LARP6: variants seen among roughly 807,000 people sequenced by gnomAD.
The protein encoded by LARP6 is La ribonucleoprotein 6, translational regulator.
LARP6 carries 18 observed loss-of-function variants against 32.8 expected under a neutral mutation model. That is an observed-to-expected ratio of 0.55 (90% CI 0.38 to 0.81). LARP6 has a LOEUF of 0.81. Among genes scored for constraint, LARP6 ranks in the 40% least tolerant of loss-of-function variants. The pLI, the probability that LARP6 is intolerant of heterozygous loss-of-function variation, is 0.00. For synonymous variants in LARP6, 289 were observed against 267.2 expected (o/e 1.08, Z -0.80); for missense variants, 598 against 663.1 (o/e 0.90, Z 1.08).
intron 2 of LARP6, 113 bp downstream of exon 2, chr15:70,836,182 A>T: frequency 1.2e-6 from 1 of 833,682 alleles, no homozygotes; most frequent in Non-Finnish European, 1.9e-6. Flanking sequence ...GCACAGACTT[A>T]ATTTTAAAAA....
intron 1 of LARP6, among the ~76,000 whole-genome samples, chr15:70,844,599 C>T (rs7180700): frequency 0.51 from 78,091 of 152,026 alleles, 21,242 homozygotes; most frequent in Admixed American, 0.71. Context: ...TTTCTTGTCT[C>T]AAAGTCCTAT....
chr15:70,832,540 T>C lies in LARP6; in HGVS notation c.988A>G (p.Met330Val), dbSNP rs375907844. ...CTGTTGGCAGAAGACTCATCACCCA[T>C]GTACTGAAGCTCCTCGACTCTCTTG... ...LNKRVEELQY[M>V]GDESSANSSS... The change falls in exon 3 of 3, where the codon ATG (methionine) becomes GTG (valine). Residue 330 changes from methionine (M) to valine (V), a missense_variant. By Grantham distance (21) the Met-to-Val change is conservative (BLOSUM62 1). Transcript: ENST00000299213. 5 of 1,559,776 alleles carry C rather than the reference T, an allele frequency of 3.2e-6. No homozygotes were observed. The highest frequency in any genetic ancestry group is 3.5e-6 in the Non-Finnish European group (4 of 1,158,018).
chr15:70,838,166 A>C (rs1314308987), intron 1 of LARP6, among the ~76,000 whole-genome samples: 1 of 152,178 alleles, frequency 6.6e-6, no homozygotes, highest in Non-Finnish European at 1.5e-5. Flanking sequence ...AGAGCATTTC[A>C]GATTTTGAAT....
At chr15:70,840,953 G>A (rs575073050) in intron 1 of LARP6, among the ~76,000 whole-genome samples, 50 of 139,496 alleles carry the variant, frequency 3.6e-4, no homozygotes, top group Non-Finnish European at 6.1e-4. Flanking sequence ...TCGCTCTTTC[G>A]CCCAGGCTGG....
intron 1 of LARP6, among the ~76,000 whole-genome samples, chr15:70,846,653 A>ATACATACATAC (rs1567023098): frequency 7.1e-5 from 6 of 84,846 alleles, no homozygotes; most frequent in Admixed American, 1.6e-4. Flanking sequence ...TACATACATA[A>ATACATACATAC]TAAAAAAAAA....
chr15:70,848,360 A>G (rs1567023424), intron 1 of LARP6, among the ~76,000 whole-genome samples: 1 of 152,218 alleles, frequency 6.6e-6, no homozygotes, highest in Non-Finnish European at 1.5e-5. Context: ...ATGGGTCTAA[A>G]TAATGATTCG....
chr15:70,847,155 G>A (rs890547402), intron 1 of LARP6, among the ~76,000 whole-genome samples: 1 of 152,156 alleles, frequency 6.6e-6, no homozygotes, highest in Non-Finnish European at 1.5e-5. Flanking sequence ...CTTTGAGGGA[G>A]GAAGTATGGT....
intron 2 of LARP6, among the ~76,000 whole-genome samples, chr15:70,835,600 T>C (rs2032132313): frequency 6.6e-6 from 1 of 152,214 alleles, no homozygotes; most frequent in African/African-American, 2.4e-5. Flanking sequence ...CGCATCCCGT[T>C]ATGCAACAGG....
intron 2 of LARP6, among the ~76,000 whole-genome samples, chr15:70,835,110 T>C (rs1274619189): frequency 6.6e-6 from 1 of 152,176 alleles, no homozygotes; most frequent in Non-Finnish European, 1.5e-5. Context: ...ACAAACACTT[T>C]TCATATGAAG....
intron 1 of LARP6, among the ~76,000 whole-genome samples, chr15:70,850,179 C>A (rs935997856): frequency 6.6e-6 from 1 of 152,130 alleles, no homozygotes; most frequent in African/African-American, 2.4e-5. Context: ...AAAATCTGAA[C>A]AGACCAATAA....
chr15:70,836,871 G>A (rs945231882), intron 1 of LARP6, among the ~76,000 whole-genome samples: 2 of 152,124 alleles, frequency 1.3e-5, no homozygotes, highest in Non-Finnish European at 2.9e-5. Context: ...TTCAGAGGGC[G>A]CATGGCCCTA....
At position 70,832,814 on chromosome 15, in the gene LARP6, C is replaced by T. The variant is rs778898505; in HGVS notation, c.714G>A (p.Glu238=). The change falls in exon 3 of 3, where the codon GAG becomes GAA. Residue 238 remains glutamate (E), a synonymous_variant. Coordinates refer to ENST00000299213, the MANE Select transcript of LARP6 (RefSeq NM_018357.4). The part of the protein sequence containing the change: ...SSVRILKPGR[E]LPPDIRRISS... ...TGATCCTCCGGATGTCAGGGGGCAG[C>T]TCTCTCCCAGGTTTGAGGATCCGCA... 58 of 1,612,824 alleles carry T rather than the reference C, an allele frequency of 3.6e-5. 4 individuals carry two copies. The South Asian group carries it at 5.5e-4, about 15-fold the overall frequency.
At chr15:70,835,835 C>G (rs1412324106) in intron 2 of LARP6, among the ~76,000 whole-genome samples, 1 of 152,230 alleles carries the variant, frequency 6.6e-6, no homozygotes, top group African/African-American at 2.4e-5. Context: ...ACAGGCAGAG[C>G]ATGTGTGTCT....
intron 1 of LARP6, among the ~76,000 whole-genome samples, chr15:70,837,701 T>A (rs138518907): frequency 5.3e-5 from 8 of 152,322 alleles, no homozygotes; most frequent in Non-Finnish European, 1.0e-4. Flanking sequence ...TCCATGTGGA[T>A]ACATGATCAC....
At chr15:70,835,152 TC>T (rs2032124490) in intron 2 of LARP6, among the ~76,000 whole-genome samples, 1 of 152,228 alleles carries the variant, frequency 6.6e-6, no homozygotes. Context: ...CATTAAAATA[TC>T]CCTTCCATTC....
chr15:70,852,336 G>A (rs996742631), intron 1 of LARP6: 2 of 454,402 alleles, frequency 4.4e-6, no homozygotes, highest in Non-Finnish European at 8.8e-6. Flanking sequence ...GGCAGTTCTG[G>A]AGGAAGAGCA....
intron 1 of LARP6, 92 bp downstream of exon 1, chr15:70,853,797 C>G (rs1162409094): frequency 1.0e-6 from 1 of 971,602 alleles, no homozygotes; most frequent in African/African-American, 1.7e-5. Context: ...CCCCTCTGCC[C>G]GAGGAGTTGT....
chr15:70,844,462 G>A (rs1432576146), intron 1 of LARP6, among the ~76,000 whole-genome samples: 5 of 151,542 alleles, frequency 3.3e-5, no homozygotes, highest in East Asian at 1.9e-4. Flanking sequence ...CATTCCATTC[G>A]GTAACTAATA....
At chr15:70,853,761 T>C in intron 1 of LARP6, 128 bp downstream of exon 1, 1 of 664,150 alleles carries the variant, frequency 1.5e-6, no homozygotes, top group Non-Finnish European at 2.1e-6. Flanking sequence ...CCGGAGCTGC[T>C]TCCCCGGCGG....
Sources: allele counts gnomAD v4.1 joint callset (sites outside exome capture counted in the v4.1 genomes callset), GRCh38; gene constraint gnomAD v4.1.1; transcripts MANE v1.5; gene names NCBI Gene and HGNC (gene_info 2026-07-23, HGNC 2026-07-21).